DOP1A: variants seen among roughly 807,000 people sequenced by gnomAD.
DOP1A encodes the protein protein DOP1A.
In DOP1A, 90 loss-of-function variants were observed where a neutral mutation model predicts 267.6. The observed-to-expected ratio is 0.34, with a 90% CI of 0.28 to 0.40. The LOEUF (loss-of-function observed/expected upper bound fraction) is 0.40. DOP1A is among the 10% of genes least tolerant of loss of function. The pLI is 1.00. For missense variants in DOP1A, 2,437 were observed against 2,900.4 expected (o/e 0.84, Z 3.67); for synonymous variants, 932 against 999.1 (o/e 0.93, Z 1.27).
At chr6:83,133,631 T>C (rs1161906022) in intron 18 of DOP1A, among the ~76,000 whole-genome samples, 2 of 152,044 alleles carry the variant, frequency 1.3e-5, no homozygotes, top group East Asian at 1.9e-4. Context: ...TACATTGTTT[T>C]ACCCATTATT....
chr6:83,118,495 A>C (rs1303970235), intron 7 of DOP1A, among the ~76,000 whole-genome samples: 1 of 152,188 alleles, frequency 6.6e-6, no homozygotes, highest in Non-Finnish European at 1.5e-5. Flanking sequence ...GAGTGGATGA[A>C]GATAGTAACC....
chr6:83,071,359 A>G (rs967398048), intron 1 of DOP1A, among the ~76,000 whole-genome samples: 1 of 152,040 alleles, frequency 6.6e-6, no homozygotes, highest in African/African-American at 2.4e-5. Context: ...GGCACCCACC[A>G]TCACACCGGG....
chr6:83,092,126 C>G (rs1770532912), intron 1 of DOP1A, among the ~76,000 whole-genome samples: 2 of 152,050 alleles, frequency 1.3e-5, no homozygotes, highest in African/African-American at 4.8e-5. Context: ...ATCTGACATA[C>G]ATACAGGTAT....
At chr6:83,116,752 A>C (rs1040287230) in intron 7 of DOP1A, among the ~76,000 whole-genome samples, 4 of 152,162 alleles carry the variant, frequency 2.6e-5, no homozygotes, top group African/African-American at 9.7e-5. Context: ...CAGAGGTTGC[A>C]GTGAGCCAAG....
intron 1 of DOP1A, among the ~76,000 whole-genome samples, chr6:83,087,646 C>A (rs566371590): frequency 6.6e-6 from 1 of 152,304 alleles, no homozygotes; most frequent in East Asian, 1.9e-4. Flanking sequence ...TCATTTCTAT[C>A]CTTCAGTTTC....
In DOP1A at chr6:83,112,618, C is replaced by T. The variant is rs529897139; in HGVS notation, c.682-705C>T. Among the ~76,000 whole-genome samples, 87 of 152,292 alleles carry T rather than the reference C, an allele frequency of 5.7e-4. 2 individuals carry two copies. The South Asian group carries it at 0.017, about 30-fold the overall frequency. ...TGGCTGGGATTACAGGCATGCACCA[C>T]CACACCCAGCTAATTTTTGTGTTTT... On this transcript the variant is annotated intron_variant, in intron 6 of 38. Transcript: ENST00000349129.
At chr6:83,088,718 C>T (rs1042339304) in intron 1 of DOP1A, among the ~76,000 whole-genome samples, 1 of 152,142 alleles carries the variant, frequency 6.6e-6, no homozygotes, top group Non-Finnish European at 1.5e-5. Flanking sequence ...CCATGCCCGG[C>T]CTTCATCCAT....
chr6:83,087,105 G>A (rs1769410526), intron 1 of DOP1A, among the ~76,000 whole-genome samples: 1 of 152,082 alleles, frequency 6.6e-6, no homozygotes, highest in Non-Finnish European at 1.5e-5. Flanking sequence ...CCTTCATAAT[G>A]GAAAGAAAAG....
At chr6:83,143,727 C>T (rs1049915169) in intron 24 of DOP1A, among the ~76,000 whole-genome samples, 4 of 151,676 alleles carry the variant, frequency 2.6e-5, no homozygotes, top group African/African-American at 4.8e-5. Flanking sequence ...ACGGAAAATA[C>T]GAGAAAAGAG....
At chr6:83,148,630 G>A (rs1245080857) in intron 26 of DOP1A, 129 bp from the exon 27 acceptor site, 36 of 561,144 alleles carry the variant, frequency 6.4e-5, no homozygotes, top group South Asian at 2.3e-4. Context: ...ACTAATTAAC[G>A]TTAGTAAAAA....
chr6:83,112,204 C>T (rs147934294), intron 6 of DOP1A, among the ~76,000 whole-genome samples: 124 of 151,616 alleles, frequency 8.2e-4, no homozygotes, highest in African/African-American at 2.5e-3. Flanking sequence ...CAAAGAGCTA[C>T]TATAGATAAA....
At chr6:83,132,028 T>C (rs1778131804) in intron 17 of DOP1A, 148 bp from the exon 18 acceptor site, 2 of 812,028 alleles carry the variant, frequency 2.5e-6, no homozygotes, top group Non-Finnish European at 3.7e-6. Context: ...CATGGAAGAC[T>C]GCCTTAGTAA....
At chr6:83,073,290 G>A (rs762096979) in intron 1 of DOP1A, among the ~76,000 whole-genome samples, 1 of 152,078 alleles carries the variant, frequency 6.6e-6, no homozygotes, top group Non-Finnish European at 1.5e-5. Context: ...GTTTCACCAT[G>A]TTGGCCAGGC....
intron 35 of DOP1A, among the ~76,000 whole-genome samples, chr6:83,158,156 A>G (rs947437112): frequency 4.0e-5 from 6 of 151,498 alleles, no homozygotes; most frequent in East Asian, 3.9e-4. Flanking sequence ...CTGCCACCAC[A>G]CCCAGCTAAT....
At chr6:83,080,935 C>T (rs1160393092) in intron 1 of DOP1A, among the ~76,000 whole-genome samples, 1 of 152,000 alleles carries the variant, frequency 6.6e-6, no homozygotes, top group Non-Finnish European at 1.5e-5. Context: ...ACAAAAGACC[C>T]CAAATAACCA....
At position 83,139,165 on chromosome 6, in the gene DOP1A, A is replaced by G; in HGVS notation, c.5120+3A>G. ...GAAACAGGATTATCTGATAGTAGGT[A>G]AGAGGTGATTTTTAACTTTATTGGT... On this transcript the variant is annotated splice_donor_region_variant and intron_variant, in intron 21 of 38. Transcript: ENST00000349129. 1 of 1,600,840 alleles carries G rather than the reference A, an allele frequency of 6.2e-7. No individual in the cohort carries two copies.
intron 8 of DOP1A, among the ~76,000 whole-genome samples, chr6:83,119,344 T>C (rs368290205): frequency 1.3e-5 from 2 of 152,208 alleles, no homozygotes; most frequent in South Asian, 4.1e-4. Flanking sequence ...ACTAGTACCA[T>C]TGTCTTACAC....
chr6:83,139,184 T>C (rs929826162), intron 21 of DOP1A, 22 bp downstream of exon 21: 4 of 1,561,362 alleles, frequency 2.6e-6, no homozygotes, highest in Non-Finnish European at 3.5e-6. Context: ...TTTTTAACTT[T>C]ATTGGTACTG....
intron 15 of DOP1A, among the ~76,000 whole-genome samples, chr6:83,128,422 C>T (rs1007886652): frequency 2.0e-5 from 3 of 152,116 alleles, no homozygotes; most frequent in African/African-American, 7.2e-5. Context: ...TAACTATTCA[C>T]TGAAAGAAAG....
Sources: allele counts gnomAD v4.1 joint callset (sites outside exome capture counted in the v4.1 genomes callset), GRCh38; gene constraint gnomAD v4.1.1; transcripts MANE v1.5; gene names NCBI Gene and HGNC (gene_info 2026-07-23, HGNC 2026-07-21).